CACHD1: variants seen among roughly 807,000 people sequenced by gnomAD.
CACHD1 encodes cache domain containing 1.
In CACHD1, 71 loss-of-function variants were observed where a neutral mutation model predicts 138.7. The observed-to-expected ratio is 0.51, with a 90% CI of 0.42 to 0.62. The LOEUF is 0.62. CACHD1 is among the 20% of genes least tolerant of loss of function. The probability of loss-of-function intolerance (pLI) is 0.00; values close to 1 mark genes in which losing one functional copy is unlikely to be tolerated. For synonymous variants in CACHD1, 578 were observed against 591.5 expected, an observed-to-expected ratio of 0.98 and a Z score of 0.33; for missense variants, 1,389 against 1,625.3, an observed-to-expected ratio of 0.85 and a Z score of 2.50.
At chr1:64,686,203 T>C (rs11208503) in intron 26 of CACHD1, among the ~76,000 whole-genome samples, 2,336 of 152,268 alleles carry the variant, frequency 0.015, 62 homozygotes, top group African/African-American at 0.054. Flanking sequence ...CGTATTTCCA[T>C]GTGAATCCTT....
intron 4 of CACHD1, among the ~76,000 whole-genome samples, chr1:64,624,786 C>T (rs778606015): frequency 1.3e-5 from 2 of 152,102 alleles, no homozygotes; most frequent in African/African-American, 4.8e-5. Flanking sequence ...GAGGATAAAA[C>T]GTGTTATAGC....
At chr1:64,612,916 A>G (rs1215385487) in intron 4 of CACHD1, among the ~76,000 whole-genome samples, 1 of 152,228 alleles carries the variant, frequency 6.6e-6, no homozygotes, top group Non-Finnish European at 1.5e-5. Context: ...GATTTCTCTG[A>G]TGGATCAGGG....
At chr1:64,500,443 A>G (rs1646331569) in intron 1 of CACHD1, among the ~76,000 whole-genome samples, 2 of 152,224 alleles carry the variant, frequency 1.3e-5, no homozygotes, top group Admixed American at 1.3e-4. Context: ...CACATGCCTA[A>G]TAAATATCTA....
At chr1:64,679,463 A>G in intron 23 of CACHD1, 132 bp from the exon 24 acceptor site, 1 of 970,938 alleles carries the variant, frequency 1.0e-6, no homozygotes. Flanking sequence ...GAGGAACTCA[A>G]AGCCTAACTA....
intron 1 of CACHD1, among the ~76,000 whole-genome samples, chr1:64,504,128 T>A (rs867923305): frequency 4.6e-5 from 7 of 152,160 alleles, no homozygotes; most frequent in Non-Finnish European, 8.8e-5. Flanking sequence ...TCCTGGGCTC[T>A]AGCGATCCTC....
At chr1:64,595,774 T>G (rs981471639) in intron 3 of CACHD1, among the ~76,000 whole-genome samples, 3 of 152,234 alleles carry the variant, frequency 2.0e-5, no homozygotes, top group African/African-American at 7.2e-5. Flanking sequence ...CAGCAGGGCC[T>G]TCTCTCCATA....
rs926596449 is a variant in CACHD1, at chr1:64,554,779, G to A, written c.261+4123G>A. Among the ~76,000 whole-genome samples the A allele has an allele frequency of 2.0e-5, 3 of 152,098 alleles. No homozygotes were observed. The East Asian group carries it at 5.8e-4, about 29-fold the overall frequency. On this transcript the variant is annotated intron_variant, in intron 2 of 26. Coordinates refer to ENST00000651257, the MANE Select transcript of CACHD1 (RefSeq NM_020925.4). ...AAAGAGAACTTTCTGAGATGATGAT[G>A]TTCCATATTAGGGCAAGTAGAGTAG...
intron 3 of CACHD1, among the ~76,000 whole-genome samples, chr1:64,602,115 T>C (rs547373624): frequency 7.9e-5 from 12 of 152,236 alleles, no homozygotes; most frequent in Non-Finnish European, 1.5e-4. Flanking sequence ...GTTCTAGCTC[T>C]AGTACTAGCA....
At chr1:64,487,882 G>C (rs528523218) in intron 1 of CACHD1, among the ~76,000 whole-genome samples, 30 of 152,214 alleles carry the variant, frequency 2.0e-4, no homozygotes, top group African/African-American at 7.0e-4. Context: ...CATGCTGGTG[G>C]GGTTTACATT....
At chr1:64,673,319 A>G in intron 18 of CACHD1, 29 bp from the exon 19 acceptor site, 2 of 1,612,052 alleles carry the variant, frequency 1.2e-6, no homozygotes, top group Non-Finnish European at 8.5e-7. Flanking sequence ...TACATGGCAT[A>G]TGTCTTCTGT....
chr1:64,573,769 G>A (rs917692948), intron 2 of CACHD1, among the ~76,000 whole-genome samples: 4 of 152,182 alleles, frequency 2.6e-5, no homozygotes, highest in Admixed American at 2.0e-4. Flanking sequence ...CTGTTTATTA[G>A]CTTTGTGACC....
chr1:64,510,202 G>A (rs192243680), intron 1 of CACHD1, among the ~76,000 whole-genome samples: 13 of 152,238 alleles, frequency 8.5e-5, no homozygotes, highest in Admixed American at 3.3e-4. Context: ...AAAGGGATGC[G>A]GAGGTAAAGT....
chr1:64,547,269 A>G (rs993082046), intron 1 of CACHD1, among the ~76,000 whole-genome samples: 2 of 152,226 alleles, frequency 1.3e-5, no homozygotes, highest in African/African-American at 4.8e-5. Context: ...GCATTTTAAG[A>G]AAGACGATTA....
chr1:64,527,959 T>G (rs1646553635), intron 1 of CACHD1, among the ~76,000 whole-genome samples: 1 of 152,256 alleles, frequency 6.6e-6, no homozygotes, highest in Non-Finnish European at 1.5e-5. Flanking sequence ...CTGCTGCTAA[T>G]GTTGACTTCT....
At chr1:64,496,844 T>C (rs1462344036) in intron 1 of CACHD1, among the ~76,000 whole-genome samples, 1 of 150,402 alleles carries the variant, frequency 6.6e-6, no homozygotes, top group Non-Finnish European at 1.5e-5. Flanking sequence ...AAAACCTAGA[T>C]TTTCCTTAGA....
intron 9 of CACHD1, among the ~76,000 whole-genome samples, chr1:64,649,112 A>T (rs1649007815): frequency 6.6e-6 from 1 of 152,216 alleles, no homozygotes; most frequent in Non-Finnish European, 1.5e-5. Context: ...ACGTGTAAAA[A>T]GTAACAAGCC....
At chr1:64,629,980 C>T (rs1648244447) in intron 5 of CACHD1, among the ~76,000 whole-genome samples, 1 of 152,138 alleles carries the variant, frequency 6.6e-6, no homozygotes, top group South Asian at 2.1e-4. Flanking sequence ...TACTAACATC[C>T]TGCTTTTCTC....
At chr1:64,599,783 C>T (rs1328051713) in intron 3 of CACHD1, among the ~76,000 whole-genome samples, 1 of 152,112 alleles carries the variant, frequency 6.6e-6, no homozygotes, top group Non-Finnish European at 1.5e-5. Context: ...ACGAGCCAGC[C>T]TGCATTTCAC....
intron 2 of CACHD1, among the ~76,000 whole-genome samples, chr1:64,557,630 A>G (rs752555323): frequency 1.3e-5 from 2 of 152,034 alleles, no homozygotes; most frequent in East Asian, 3.9e-4. Context: ...CATTTCACCT[A>G]TATTAAACAA....
Sources: allele counts gnomAD v4.1 joint callset (sites outside exome capture counted in the v4.1 genomes callset), GRCh38; gene constraint gnomAD v4.1.1; transcripts MANE v1.5; gene names NCBI Gene and HGNC (gene_info 2026-07-23, HGNC 2026-07-21).